ATP8B4: variants seen among roughly 807,000 people sequenced by gnomAD.
ATP8B4 encodes the protein ATPase phospholipid transporting 8B4 (putative), also known as probable phospholipid-transporting ATPase IM.
A neutral mutation model predicts 145.6 loss-of-function variants in ATP8B4; 133 were observed. The observed-to-expected ratio is 0.91, with a 90% CI of 0.79 to 1.05. ATP8B4 has a LOEUF of 1.05. ATP8B4 is among the 50% of genes least tolerant of loss of function. The probability of loss-of-function intolerance (pLI) is 0.00; values close to 1 mark genes in which losing one functional copy is unlikely to be tolerated. For missense variants in ATP8B4, 1,458 were observed against 1,425.2 expected, an observed-to-expected ratio of 1.02 and a Z score of -0.37; for synonymous variants, 507 against 492.9, an observed-to-expected ratio of 1.03 and a Z score of -0.38.
chr15:50,120,425 A>C (rs1365634856), upstream of ATP8B4, among the ~76,000 whole-genome samples: 1 of 152,186 alleles, frequency 6.6e-6, no homozygotes, highest in African/African-American at 2.4e-5. Context: ...TTTAAGTATC[A>C]CCTCTATACC....
chr15:49,924,874 AC>A (rs1191675330), intron 16 of ATP8B4, among the ~76,000 whole-genome samples: 1 of 152,312 alleles, frequency 6.6e-6, no homozygotes, highest in East Asian at 1.9e-4. Context: ...AGGGGGGGAA[AC>A]TTAATCCTAG....
intron 7 of ATP8B4, among the ~76,000 whole-genome samples, chr15:50,007,047 G>A (rs1265242490): frequency 2.6e-5 from 4 of 151,886 alleles, no homozygotes; most frequent in Admixed American, 2.6e-4. Context: ...TGGCAATTCA[G>A]CCCACAAGTA....
At chr15:50,012,692 A>G (rs1335496958) in intron 6 of ATP8B4, among the ~76,000 whole-genome samples, 1 of 152,192 alleles carries the variant, frequency 6.6e-6, no homozygotes, top group Admixed American at 6.5e-5. Context: ...AAAGAAGCAC[A>G]AAATAGGTTA....
intron 2 of ATP8B4, among the ~76,000 whole-genome samples, chr15:50,085,148 C>T (rs184008035): frequency 2.2e-4 from 33 of 152,288 alleles, no homozygotes; most frequent in Admixed American, 5.2e-4. Context: ...CCATTACCTC[C>T]CTGGCCTCAC....
chr15:49,914,758 C>T (rs1236478402), intron 20 of ATP8B4, among the ~76,000 whole-genome samples: 2 of 152,022 alleles, frequency 1.3e-5, no homozygotes, highest in African/African-American at 2.4e-5. Context: ...ATCAAAACTA[C>T]AATGAGATGT....
chr15:49,935,887 CTGTTT>C (rs780094052), intron 14 of ATP8B4, among the ~76,000 whole-genome samples: 2 of 152,044 alleles, frequency 1.3e-5, no homozygotes, highest in Non-Finnish European at 2.9e-5. Flanking sequence ...ATACAGAAGG[CTGTTT>C]TGTTTTGTTT....
intron 2 of ATP8B4, among the ~76,000 whole-genome samples, chr15:50,087,657 T>C (rs2055310025): frequency 6.6e-6 from 1 of 151,946 alleles, no homozygotes; most frequent in South Asian, 2.1e-4. Context: ...GGCAAGTATA[T>C]CTGTAACAGT....
intron 9 of ATP8B4, among the ~76,000 whole-genome samples, chr15:49,990,924 C>G (rs1419778044): frequency 6.6e-6 from 1 of 152,130 alleles, no homozygotes; most frequent in Non-Finnish European, 1.5e-5. Flanking sequence ...ATGATTGTGA[C>G]AAATACTTAT....
chr15:49,902,473 G>A (rs1373853996), intron 20 of ATP8B4, among the ~76,000 whole-genome samples: 1 of 152,178 alleles, frequency 6.6e-6, no homozygotes, highest in African/African-American at 2.4e-5. Context: ...TTAACTTCTA[G>A]CTCAATATCT....
At chr15:49,928,362 G>T (rs1367338171) in intron 16 of ATP8B4, among the ~76,000 whole-genome samples, 1 of 152,104 alleles carries the variant, frequency 6.6e-6, no homozygotes. Flanking sequence ...GGGGAAAGGA[G>T]TATTCAAGAC....
intron 27 of ATP8B4, among the ~76,000 whole-genome samples, chr15:49,861,731 T>C (rs537985135): frequency 9.9e-5 from 15 of 152,230 alleles, no homozygotes; most frequent in Non-Finnish European, 1.6e-4. Flanking sequence ...CCTATTTTCC[T>C]TCCAAGTGTA....
At chr15:50,095,901 A>G (rs1260174056) in intron 2 of ATP8B4, among the ~76,000 whole-genome samples, 3 of 152,256 alleles carry the variant, frequency 2.0e-5, no homozygotes, top group Admixed American at 1.3e-4. Flanking sequence ...CTGACTTCGA[A>G]GATTCTTCTA....
chr15:50,127,978 G>C (rs1202597279), intron 1 of ATP8B4, among the ~76,000 whole-genome samples: 2 of 152,204 alleles, frequency 1.3e-5, no homozygotes, highest in Non-Finnish European at 2.9e-5. Flanking sequence ...AGCTACAGCA[G>C]ATGAGCAGAT....
At position 50,002,224 on chromosome 15, in the gene ATP8B4, C is replaced by G. The variant is rs1361303077; in HGVS notation, c.436-1G>C. The stretch of plus-strand genomic sequence containing the variant: ...TACTTGATAGGAGAAGTAAATCAGC[C>G]TATTTTCAAAAATCATAACAAAAGA... On this transcript the variant is annotated splice_acceptor_variant, in intron 7 of 27. Transcript: ENST00000284509. LOFTEE classifies it high-confidence loss of function. 1 of 1,606,594 alleles carries G rather than the reference C, an allele frequency of 6.2e-7. No individual in the cohort carries two copies. Among genetic ancestry groups the G allele is most frequent in the African/African-American group, 1.3e-5 (1 of 74,672 alleles).
intron 3 of ATP8B4, among the ~76,000 whole-genome samples, chr15:50,070,787 C>T (rs1050984023): frequency 9.9e-5 from 15 of 152,172 alleles, no homozygotes; most frequent in African/African-American, 3.6e-4. Context: ...GTAACCCAGG[C>T]TGGACTGCAG....
At chr15:49,900,384 T>C (rs1262005306) in intron 21 of ATP8B4, among the ~76,000 whole-genome samples, 1 of 152,160 alleles carries the variant, frequency 6.6e-6, no homozygotes, top group Non-Finnish European at 1.5e-5. Flanking sequence ...AAGTGAAAAA[T>C]GATCATCAAA....
intron 6 of ATP8B4, among the ~76,000 whole-genome samples, chr15:50,029,814 G>A (rs2153590653): frequency 6.6e-6 from 1 of 152,330 alleles, no homozygotes; most frequent in East Asian, 1.9e-4. Flanking sequence ...GCAAGATCAA[G>A]GGTGATTTCT....
At chr15:50,065,994 C>A (rs1600159538) in intron 3 of ATP8B4, among the ~76,000 whole-genome samples, 5 of 126,918 alleles carry the variant, frequency 3.9e-5, no homozygotes, top group East Asian at 2.3e-4. Context: ...AATAGAAATT[C>A]AGAGGCCAGA....
chr15:50,132,310 C>G (rs541881362), intron 1 of ATP8B4, among the ~76,000 whole-genome samples: 59 of 152,162 alleles, frequency 3.9e-4, no homozygotes, highest in Admixed American at 2.2e-3. Context: ...AGGACATGAA[C>G]AGACGCTTCT....
Sources: allele counts gnomAD v4.1 joint callset (sites outside exome capture counted in the v4.1 genomes callset), GRCh38; gene constraint gnomAD v4.1.1; transcripts MANE v1.5; gene names NCBI Gene and HGNC (gene_info 2026-07-23, HGNC 2026-07-21).